Variants in ERG28 observed in about 807,000 individuals in gnomAD.
ERG28 encodes ergosterol biosynthesis 28 homolog, also known as ergosterol biosynthetic protein 28 homolog.
Under a neutral mutation model 15.7 loss-of-function variants are expected in ERG28, and 9 were observed. The observed-to-expected ratio is 0.57, with a 90% CI of 0.35 to 1.00. The LOEUF is 1.00. Ranked by LOEUF, ERG28 falls within the 50% of genes least tolerant of loss-of-function variation. ERG28 has a pLI of 0.02. For synonymous variants in ERG28, 61 were observed against 68.4 expected, an observed-to-expected ratio of 0.89 and a Z score of 0.53; for missense variants, 117 against 173.3, an observed-to-expected ratio of 0.68 and a Z score of 1.82.
intron 3 of ERG28, 91 bp from the exon 4 acceptor site, chr14:75,651,980 C>A: frequency 8.8e-7 from 1 of 1,131,984 alleles, no homozygotes; most frequent in Non-Finnish European, 1.3e-6. Flanking sequence ...AAATAAGAAC[C>A]CAGGATGTCA....
intron 3 of ERG28, among the ~76,000 whole-genome samples, chr14:75,652,637 C>A (rs1890542146): frequency 6.6e-6 from 1 of 152,020 alleles, no homozygotes; most frequent in African/African-American, 2.4e-5. Flanking sequence ...AACCAACACC[C>A]AGCTCCCTCA....
intron 3 of ERG28, 68 bp downstream of exon 3, chr14:75,654,818 G>C: frequency 1.4e-6 from 2 of 1,459,436 alleles, no homozygotes; most frequent in African/African-American, 1.4e-5. Context: ...CATTACTCAA[G>C]GTAACAGGTA....
chr14:75,651,963 T>C lies in ERG28; in HGVS notation c.225-74A>G, dbSNP rs1890532461. On this transcript the variant is annotated intron_variant, in intron 3 of 4. Coordinates refer to ENST00000256319, the MANE Select transcript of ERG28 (RefSeq NM_007176.4). Reference sequence around the variant, plus strand: ...AACAGAGGAAAAGTATCAGACTTCATACAGACAAATAAGAACCCAGGATGT... The same window carrying C: ...AACAGAGGAAAAGTATCAGACTTCACACAGACAAATAAGAACCCAGGATGT... 14 of 1,307,810 alleles carry C rather than the reference T, an allele frequency of 1.1e-5. 1 individual carries two copies. The South Asian group carries it at 1.2e-4, about 12-fold the overall frequency. The allele number at this position is 1,307,810 out of a possible 1,614,324, so 81.0% of individuals were successfully genotyped here. A position where few individuals can be genotyped will look rare whatever the true frequency, so the allele number is the denominator to read the frequency against.
chr14:75,654,613 A>C (rs1890574356), intron 3 of ERG28, among the ~76,000 whole-genome samples: 1 of 152,240 alleles, frequency 6.6e-6, no homozygotes, highest in East Asian at 1.9e-4. Context: ...TGATTCTTTC[A>C]TAAAGAAGTG....
Position 75,660,786 on chromosome 14 carries a change from G to C in ERG28, c.-43C>G, listed in dbSNP as rs536486500. 6.6e-6 allele frequency: 1 copy of C among 152,642 alleles called. No homozygotes were observed. Among genetic ancestry groups the C allele is most frequent in the Non-Finnish European group, 1.5e-5 (1 of 68,652 alleles). 9.5% of individuals were successfully genotyped at this position (152,642 alleles called of 1,614,324 possible). On this transcript the variant is annotated 5_prime_UTR_variant, in exon 1 of 5. Coordinates refer to ENST00000256319, the MANE Select transcript of ERG28 (RefSeq NM_007176.4). ...CATATTCTCCTTACCTGGCGACCGG[G>C]CCCCCAGCACAGCAGTGGCAGCAGC...
chr14:75,654,406 C>G (rs779786176), intron 3 of ERG28, among the ~76,000 whole-genome samples: 2 of 152,200 alleles, frequency 1.3e-5, no homozygotes, highest in Non-Finnish European at 2.9e-5. Flanking sequence ...CAGGTAGATT[C>G]AGGAGCCCTA....
chr14:75,651,956 G>A, intron 3 of ERG28, 67 bp from the exon 4 acceptor site: 1 of 1,374,190 alleles, frequency 7.3e-7, no homozygotes, highest in Non-Finnish European at 1.0e-6. Context: ...AAAAGTATCA[G>A]ACTTCATACA....
At position 75,654,979 on chromosome 14, in the gene ERG28, G is replaced by A. The variant is rs770294325; in HGVS notation, c.134-3C>T. The A allele has an allele frequency of 1.2e-6, 2 of 1,613,332 alleles. No homozygotes were observed. The highest frequency in any genetic ancestry group is 1.7e-6 in the Non-Finnish European group (2 of 1,179,262). On this transcript the variant is annotated splice_region_variant and splice_polypyrimidine_tract_variant and intron_variant, in intron 2 of 4. Transcript: ENST00000256319. Reference sequence around the variant, plus strand: ...GGTCCGAGCTTGGAGGCCATTCACTGTGTAGCAGAAAAAAGCAAGAGTGTT... The same window carrying A: ...GGTCCGAGCTTGGAGGCCATTCACTATGTAGCAGAAAAAAGCAAGAGTGTT...
chr14:75,653,692 T>C (rs1234853359), intron 3 of ERG28, among the ~76,000 whole-genome samples: 1 of 151,950 alleles, frequency 6.6e-6, no homozygotes, highest in Non-Finnish European at 1.5e-5. Context: ...CTCATACTCA[T>C]CAGCAATTCT....
chr14:75,651,563 T>C lies in ERG28; in HGVS notation c.415A>G (p.Arg139Gly). Residue 139 changes from arginine (R) to glycine (G), a missense_variant, in exon 5 of 5, where the codon AGA becomes GGA. Coordinates refer to ENST00000256319, the MANE Select transcript of ERG28 (RefSeq NM_007176.4). ...AGGTGATAATGCTGGCCTCAGTTTC[T>C]CTTCTTCTGTCTGGATACTGGTTCT... is the stretch of plus-strand genomic sequence containing the variant. ...EVEPVSRQKK[R>G]N The C allele has an allele frequency of 6.2e-7, 1 of 1,610,074 alleles. No homozygotes were observed. The highest frequency in any genetic ancestry group is 8.5e-7 in the Non-Finnish European group (1 of 1,176,526).
At chr14:75,658,932 CGT>C (rs1357368067) in intron 1 of ERG28, among the ~76,000 whole-genome samples, 2 of 151,992 alleles carry the variant, frequency 1.3e-5, no homozygotes, top group Non-Finnish European at 2.9e-5. Context: ...TTTAAGTTAA[CGT>C]GTGAGTTTAG....
intron 1 of ERG28, 23 bp from the exon 2 acceptor site, chr14:75,657,556 A>G: frequency 1.9e-6 from 3 of 1,603,404 alleles, no homozygotes; most frequent in East Asian, 2.2e-5. Context: ...GGCAGAGGAC[A>G]TGAGACAATG....
Position 75,657,392 on chromosome 14 carries a change from G to GAGCT in ERG28, c.107_110dup (p.Tyr38AlafsTer34). 2 of 1,614,128 alleles carry GAGCT rather than the reference G, an allele frequency of 1.2e-6. No homozygotes were observed. The highest frequency in any genetic ancestry group is 8.5e-7 in the Non-Finnish European group (1 of 1,179,996). ...TACCAAGGTTTGGCTTGCCAGTGTA[G>GAGCT]AGCTTTTCATAGAGAAAAGTGTGGT... On this transcript the variant is annotated frameshift_variant, in exon 2 of 5. Coordinates refer to ENST00000256319, the MANE Select transcript of ERG28 (RefSeq NM_007176.4). LOFTEE classifies it high-confidence loss of function.
At chr14:75,652,981 G>C (rs1037427837) in intron 3 of ERG28, among the ~76,000 whole-genome samples, 4 of 151,740 alleles carry the variant, frequency 2.6e-5, no homozygotes, top group African/African-American at 9.7e-5. Flanking sequence ...ACACCACCAC[G>C]CCCAGCTAAT....
chr14:75,654,650 A>C (rs1406491351), intron 3 of ERG28, among the ~76,000 whole-genome samples: 2 of 152,228 alleles, frequency 1.3e-5, no homozygotes, highest in Non-Finnish European at 2.9e-5. Context: ...GCCACTGGAT[A>C]ATGGCCTGCC....
At chr14:75,660,155 G>T (rs1890664109) in intron 1 of ERG28, among the ~76,000 whole-genome samples, 1 of 152,228 alleles carries the variant, frequency 6.6e-6, no homozygotes, top group African/African-American at 2.4e-5. Flanking sequence ...CCATTTCACA[G>T]AAGTGTTATC....
At chr14:75,659,313 G>A (rs923820403) in intron 1 of ERG28, among the ~76,000 whole-genome samples, 1 of 152,086 alleles carries the variant, frequency 6.6e-6, no homozygotes, top group Admixed American at 6.5e-5. Context: ...AAGTTGTATG[G>A]AAAATACAAT....
intron 2 of ERG28, among the ~76,000 whole-genome samples, chr14:75,656,174 G>C (rs1890593636): frequency 6.6e-6 from 1 of 152,028 alleles, no homozygotes; most frequent in Non-Finnish European, 1.5e-5. Flanking sequence ...TTAGGTATGA[G>C]GTGAAATTCT....
At chr14:75,655,398 A>G (rs1371780643) in intron 2 of ERG28, among the ~76,000 whole-genome samples, 1 of 152,222 alleles carries the variant, frequency 6.6e-6, no homozygotes, top group Non-Finnish European at 1.5e-5. Context: ...GAGAGAACTC[A>G]GAGATACTGG....
Sources: gnomAD v4.1 joint callset for allele counts (sites outside exome capture counted in the v4.1 genomes callset) on GRCh38, gnomAD v4.1.1 for gene constraint, MANE v1.5 for transcripts, NCBI Gene and HGNC (gene_info 2026-07-23, HGNC 2026-07-21) for gene names.